ZNF638: variants seen among roughly 807,000 people sequenced by gnomAD.
ZNF638 encodes the protein CTCL tumor antigen se33-1.
A neutral mutation model predicts 195.6 loss-of-function variants in ZNF638; 46 were observed. That is an observed-to-expected ratio of 0.24 (90% confidence interval 0.19 to 0.30). The LOEUF (loss-of-function observed/expected upper bound fraction) is 0.30, where lower values mean the gene tolerates loss of function less well. Among genes scored for constraint, ZNF638 ranks in the 10% least tolerant of loss-of-function variants. The pLI is 1.00. For missense variants in ZNF638, 2,440 were observed against 2,325.3 expected (o/e 1.05, Z -1.01); for synonymous variants, 845 against 772.0 (o/e 1.09, Z -1.57).
rs905476162 is a variant in ZNF638, at chr2:71,434,675, G to C, written c.5872-67G>C. 6 of 1,313,638 alleles carry C rather than the reference G, an allele frequency of 4.6e-6. No individual in the cohort carries two copies. In the East Asian group the frequency reaches 1.2e-4, roughly 26 times the overall value. The allele number at this position is 1,313,638 out of a possible 1,614,324, so 81.4% of individuals were successfully genotyped here. ...TCTTTTAAATTATAAATATACAGTAGATAAGTTTGCACACATAGCAAAATA... is the reference window on the plus strand; with the variant it reads ...TCTTTTAAATTATAAATATACAGTACATAAGTTTGCACACATAGCAAAATA... On this transcript the variant is annotated intron_variant, in intron 27 of 27. Coordinates refer to ENST00000264447, the MANE Select transcript of ZNF638 (RefSeq NM_014497.5).
At chr2:71,355,387 T>G (rs2079008313) in intron 2 of ZNF638, among the ~76,000 whole-genome samples, 1 of 152,052 alleles carries the variant, frequency 6.6e-6, no homozygotes, top group Non-Finnish European at 1.5e-5. Context: ...GGTGTGTTGT[T>G]TTTATATTTG....
intron 24 of ZNF638, 33 bp from the exon 25 acceptor site, chr2:71,428,514 C>T (rs1281382178): frequency 1.3e-6 from 2 of 1,552,268 alleles, no homozygotes; most frequent in African/African-American, 2.7e-5. Context: ...AATACTGTTA[C>T]TAGAGCAATA....
intron 1 of ZNF638, among the ~76,000 whole-genome samples, chr2:71,345,903 A>G (rs1436969933): frequency 1.3e-5 from 2 of 152,232 alleles, no homozygotes; most frequent in Non-Finnish European, 2.9e-5. Context: ...ACATCTTTGT[A>G]GAAGACCACT....
intron 21 of ZNF638, among the ~76,000 whole-genome samples, chr2:71,421,767 T>G (rs557797804): frequency 6.6e-6 from 1 of 152,356 alleles, no homozygotes; most frequent in African/African-American, 2.4e-5. Context: ...AATCTGCTGC[T>G]TCTCATTATA....
chr2:71,348,681 C>A, intron 1 of ZNF638, 72 bp from the exon 2 acceptor site: 1 of 1,374,876 alleles, frequency 7.3e-7, no homozygotes. Flanking sequence ...AAATGTTTTA[C>A]ACTGGCTGTA....
At chr2:71,380,354 G>A (rs113835215) in intron 9 of ZNF638, 74 bp downstream of exon 9, 28 of 1,196,188 alleles carry the variant, frequency 2.3e-5, no homozygotes, top group South Asian at 3.1e-5. Flanking sequence ...TTTTAAAACC[G>A]CATTTTAAAT....
chr2:71,393,533 C>T (rs768962269), intron 10 of ZNF638: 20 of 717,796 alleles, frequency 2.8e-5, no homozygotes, highest in African/African-American at 1.0e-4. Context: ...ACACAAGCCC[C>T]GGACATTACC....
At chr2:71,421,350 G>A (rs1460573111) in intron 21 of ZNF638, among the ~76,000 whole-genome samples, 4 of 136,528 alleles carry the variant, frequency 2.9e-5, no homozygotes, top group East Asian at 2.2e-4. Flanking sequence ...TTGAAAAAAA[G>A]GGGTGTGATT....
intron 26 of ZNF638, 59 bp downstream of exon 26, chr2:71,431,487 C>T (rs907271146): frequency 5.5e-5 from 82 of 1,493,794 alleles, no homozygotes; most frequent in East Asian, 1.4e-4. Context: ...CGGCCGGGCG[C>T]GGTGGCTCAA....
chr2:71,400,950 A>G (rs996448913), intron 15 of ZNF638, among the ~76,000 whole-genome samples: 7 of 152,140 alleles, frequency 4.6e-5, no homozygotes, highest in Admixed American at 1.3e-4. Context: ...AAGGACATGA[A>G]GTTCACTTAA....
chr2:71,380,152 A>T, intron 8 of ZNF638, 70 bp from the exon 9 acceptor site: 1 of 879,092 alleles, frequency 1.1e-6, no homozygotes, highest in Non-Finnish European at 1.7e-6. Flanking sequence ...AAGATTTTAG[A>T]TTTTTGTTCT....
chr2:71,408,808 C>T (rs1433623907), intron 20 of ZNF638: 1 of 375,386 alleles, frequency 2.7e-6, no homozygotes, highest in East Asian at 8.6e-5. Flanking sequence ...TATGTGGTGT[C>T]CTTGTGTTGT....
chr2:71,434,890 T>G lies in ZNF638; in HGVS notation c.*83T>G. The G allele has an allele frequency of 7.7e-7, 1 of 1,300,236 alleles. No individual in the cohort carries two copies. The highest frequency in any genetic ancestry group is 1.1e-6 in the Non-Finnish European group (1 of 947,156). 80.5% of individuals were successfully genotyped at this position (1,300,236 alleles called of 1,614,324 possible). On this transcript the variant is annotated 3_prime_UTR_variant, in exon 28 of 28. Coordinates refer to ENST00000264447, the MANE Select transcript of ZNF638 (RefSeq NM_014497.5). ...TTTTTGTTATCATTTAATTTGTAATTTTCGTTTCAGAAGCAAATATTCGTG... is the reference window on the plus strand; with the variant it reads ...TTTTTGTTATCATTTAATTTGTAATGTTCGTTTCAGAAGCAAATATTCGTG...
chr2:71,380,194 T>G, intron 8 of ZNF638, 28 bp from the exon 9 acceptor site: 1 of 1,433,726 alleles, frequency 7.0e-7, no homozygotes, highest in South Asian at 1.4e-5. Flanking sequence ...ACTAAATTTC[T>G]TTTGTTCAAA....
intron 21 of ZNF638, among the ~76,000 whole-genome samples, chr2:71,419,474 T>A (rs2080376917): frequency 6.6e-6 from 1 of 152,206 alleles, no homozygotes; most frequent in South Asian, 2.1e-4. Flanking sequence ...CAGAACGTCT[T>A]AGCGGATTTT....
chr2:71,364,270 A>AAAT lies in ZNF638; in HGVS notation c.1717+20_1717+22dup, dbSNP rs1558844004. 9 of 1,594,978 alleles carry AAAT rather than the reference A, an allele frequency of 5.6e-6. No individual in the cohort carries two copies. On this transcript the variant is annotated intron_variant, in intron 5 of 27. Transcript: ENST00000264447. The stretch of plus-strand genomic sequence containing the variant: ...ATCATCAGGTACACTGATGGCCATG[A>AAAT]AATAGTGAATGTACTTATTTTGACT...
chr2:71,336,335 C>T (rs1342075321), intron 1 of ZNF638, among the ~76,000 whole-genome samples: 1 of 130,680 alleles, frequency 7.7e-6, no homozygotes, highest in Non-Finnish European at 1.6e-5. Flanking sequence ...TGCGCCCTTG[C>T]ACTCCAACCA....
chr2:71,386,573 C>T (rs1253211775), intron 10 of ZNF638, among the ~76,000 whole-genome samples: 3 of 151,958 alleles, frequency 2.0e-5, no homozygotes, highest in African/African-American at 4.8e-5. Flanking sequence ...TAGGATACAC[C>T]GTTATTTGCA....
At chr2:71,334,403 G>C (rs1348457470) in intron 1 of ZNF638, 1 of 152,194 alleles carries the variant, frequency 6.6e-6, no homozygotes, top group Non-Finnish European at 1.5e-5. Flanking sequence ...TGGTTTTAGA[G>C]ACTCTCCAAA....
Sources: allele counts gnomAD v4.1 joint callset (sites outside exome capture counted in the v4.1 genomes callset), GRCh38; gene constraint gnomAD v4.1.1; transcripts MANE v1.5; gene names NCBI Gene and HGNC (gene_info 2026-07-23, HGNC 2026-07-21).